ANK3: variants seen among roughly 807,000 people sequenced by gnomAD.
The protein encoded by ANK3 is ankyrin-3.
In ANK3, 57 loss-of-function variants were observed where a neutral mutation model predicts 370.9. That is an observed-to-expected ratio of 0.15 (90% CI 0.12 to 0.19). The LOEUF (loss-of-function observed/expected upper bound fraction) is 0.19. Among genes scored for constraint, ANK3 ranks in the 10% least tolerant of loss-of-function variants. The pLI is 1.00. For missense variants in ANK3, 4,439 were observed against 5,302.1 expected (o/e 0.84, Z 5.06); for synonymous variants, 1,929 against 1,946.3 (o/e 0.99, Z 0.23).
intron 2 of ANK3, among the ~76,000 whole-genome samples, chr10:60,553,794 C>T (rs934397820): frequency 1.3e-5 from 2 of 152,144 alleles, no homozygotes; most frequent in South Asian, 4.1e-4. Flanking sequence ...ACATTTACCA[C>T]AAAGATTCTC....
chr10:60,615,052 A>G, intron 2 of ANK3: 1 of 575,712 alleles, frequency 1.7e-6, no homozygotes, highest in Middle Eastern at 3.8e-4. Context: ...AAATAACAAC[A>G]ACAACAACAA....
In ANK3 at chr10:60,208,135, A is replaced by G. The variant is rs140267909; in HGVS notation, c.1095T>C (p.Asn365=). Residue 365 remains asparagine, a synonymous_variant, in exon 10 of 44, where the codon AAT becomes AAC. Transcript: ENST00000280772. ...QHNVPVDDVT[N]DYLTALHVAA... ...CCACGTGTAGGGCAGTCAGGTAGTC[A>G]TTGGTGACATCATCCACGGGTACAT... is the stretch of plus-strand genomic sequence containing the variant. The G allele has an allele frequency of 2.2e-5, 36 of 1,614,098 alleles. No homozygotes were observed. Among genetic ancestry groups the G allele is most frequent in the Middle Eastern group, 1.7e-4 (1 of 6,060 alleles).
chr10:60,146,513 C>T (rs1269525097), intron 23 of ANK3, among the ~76,000 whole-genome samples: 1 of 152,136 alleles, frequency 6.6e-6, no homozygotes, highest in Admixed American at 6.5e-5. Flanking sequence ...TTTGGAGACA[C>T]AGTCTCACTC....
intron 43 of ANK3, among the ~76,000 whole-genome samples, chr10:60,040,961 TC>T (rs1454860580): frequency 6.6e-6 from 1 of 152,182 alleles, no homozygotes; most frequent in Non-Finnish European, 1.5e-5. Flanking sequence ...TAGGGAGAAG[TC>T]TTTCACCAGG....
chr10:60,099,401 T>A (rs2090773937), intron 28 of ANK3, among the ~76,000 whole-genome samples: 1 of 152,222 alleles, frequency 6.6e-6, no homozygotes, highest in African/African-American at 2.4e-5. Context: ...CTTGGACTTT[T>A]GCAGTGCACC....
intron 2 of ANK3, among the ~76,000 whole-genome samples, chr10:60,511,951 G>T (rs2076095220): frequency 6.6e-6 from 1 of 152,000 alleles, no homozygotes; most frequent in Non-Finnish European, 1.5e-5. Flanking sequence ...GATTGAAATA[G>T]CTATCCTGAA....
intron 1 of ANK3, among the ~76,000 whole-genome samples, chr10:60,346,034 G>C (rs1052884358): frequency 6.6e-6 from 1 of 152,040 alleles, no homozygotes; most frequent in African/African-American, 2.4e-5. Context: ...CATAATGATT[G>C]GGTCGAGAAC....
intron 25 of ANK3, among the ~76,000 whole-genome samples, chr10:60,126,059 A>G (rs944622721): frequency 3.9e-5 from 6 of 152,246 alleles, no homozygotes; most frequent in African/African-American, 9.6e-5. Context: ...GAGGCCTCCA[A>G]TATCACTTAC....
At chr10:60,717,514 T>C (rs1462347889) in intron 1 of ANK3, among the ~76,000 whole-genome samples, 2 of 152,190 alleles carry the variant, frequency 1.3e-5, no homozygotes, top group African/African-American at 4.8e-5. Context: ...CTAAGCAATA[T>C]GTAATAATAA....
intron 2 of ANK3, among the ~76,000 whole-genome samples, chr10:60,434,917 C>T (rs2064119589): frequency 6.6e-6 from 1 of 152,114 alleles, no homozygotes; most frequent in African/African-American, 2.4e-5. Context: ...CAAGTATGCT[C>T]ACTTTTTTTC....
intron 23 of ANK3, among the ~76,000 whole-genome samples, chr10:60,150,830 G>A (rs979316060): frequency 6.6e-6 from 1 of 152,064 alleles, no homozygotes; most frequent in African/African-American, 2.4e-5. Context: ...GTAGAACCAT[G>A]AGCCAAATAA....
chr10:60,324,272 T>A lies in ANK3; in HGVS notation c.115-44633A>T, dbSNP rs186174742. Among the ~76,000 whole-genome samples, 23 of 152,254 alleles carry A rather than the reference T, an allele frequency of 1.5e-4. 1 individual carries two copies. In the East Asian group the frequency reaches 4.4e-3, roughly 29 times the overall value. ...GTTGGTGCCAGGACAGAAGACAAAG[T>A]GCAAGTGGAAGGTGAATATGTGTGG... is the stretch of plus-strand genomic sequence containing the variant. On this transcript the variant is annotated intron_variant, in intron 1 of 43. Coordinates refer to ENST00000280772, the MANE Select transcript of ANK3 (RefSeq NM_020987.5).
chr10:60,287,649 G>T (rs543633187), intron 1 of ANK3, among the ~76,000 whole-genome samples: 6 of 152,170 alleles, frequency 3.9e-5, no homozygotes, highest in Admixed American at 3.3e-4. Context: ...TACAGAGGCA[G>T]AAACCTAACT....
rs529747066 is a variant in ANK3 at position 60,497,220 on chromosome 10, G to T, written c.96+117966C>A. 2.6e-3 allele frequency among the ~76,000 whole-genome samples: 392 copies of T among 152,206 alleles called. 2 individuals carry two copies. The highest frequency in any genetic ancestry group is 8.7e-3 in the African/African-American group (362 of 41,552). On this transcript the variant is annotated intron_variant, in intron 2 of 43. Coordinates refer to the ANK3 transcript ENST00000373827. ...CTCAGGAGGCTGAGGAAGGAGAATT[G>T]CTGGAGCCCAGGAGGTTGAGGCTGC...
chr10:60,043,377 T>G, intron 42 of ANK3: 2 of 984,312 alleles, frequency 2.0e-6, no homozygotes, highest in Non-Finnish European at 2.4e-6. Flanking sequence ...TCTGATAAAT[T>G]TTCAGTTTAC....
Position 60,071,123 on chromosome 10 carries a change from T to A in ANK3, c.9758A>T (p.Glu3253Val), listed in dbSNP as rs536279152. The change falls in exon 37 of 44, where the codon GAA (glutamate) becomes GTA (valine). Residue 3253 changes from glutamate (E) to valine (V), a missense_variant. Physicochemically the swap from Glu to Val is moderately radical, Grantham distance 121. Coordinates refer to ENST00000280772, the MANE Select transcript of ANK3 (RefSeq NM_020987.5). Reference sequence around the variant, plus strand: ...ATCCAGTGGTGGAGGAGGGGGAAATTCAATATAGGCAACTCTGTTATTTTT... The same window carrying A: ...ATCCAGTGGTGGAGGAGGGGGAAATACAATATAGGCAACTCTGTTATTTTT... ...RPKNNRVAYI[E>V]FPPPPPLDAD... is the part of the protein sequence containing the mutation. 279 of 1,614,110 alleles carry A rather than the reference T, an allele frequency of 1.7e-4. 4 individuals are homozygous for A. The South Asian group carries it at 2.9e-3, about 17-fold the overall frequency.
intron 2 of ANK3, among the ~76,000 whole-genome samples, chr10:60,565,844 T>A (rs2077446925): frequency 6.6e-6 from 1 of 152,246 alleles, no homozygotes; most frequent in South Asian, 2.1e-4. Context: ...CAATAAAGCC[T>A]GAATTCAGCT....
intron 2 of ANK3, among the ~76,000 whole-genome samples, chr10:60,506,228 G>A (rs1567101682): frequency 6.6e-6 from 1 of 151,992 alleles, no homozygotes; most frequent in Non-Finnish European, 1.5e-5. Context: ...TTCTATAACA[G>A]CTATTAAAAT....
intron 2 of ANK3, among the ~76,000 whole-genome samples, chr10:60,472,867 A>G (rs1452019338): frequency 6.6e-6 from 1 of 152,184 alleles, no homozygotes; most frequent in Non-Finnish European, 1.5e-5. Context: ...ACATTTGTAA[A>G]ATCATAGCAT....
Sources: gnomAD v4.1 joint callset for allele counts (sites outside exome capture counted in the v4.1 genomes callset) on GRCh38, gnomAD v4.1.1 for gene constraint, MANE v1.5 for transcripts, NCBI Gene and HGNC (gene_info 2026-07-23, HGNC 2026-07-21) for gene names.